Variants in KIRREL3 observed in about 807,000 individuals in gnomAD.
KIRREL3 encodes the protein kin of IRRE-like protein 3.
A neutral mutation model predicts 89.7 loss-of-function variants in KIRREL3; 36 were observed. The observed-to-expected ratio is 0.40, with a 90% CI of 0.31 to 0.53. The LOEUF (loss-of-function observed/expected upper bound fraction) is 0.53, where lower values mean the gene tolerates loss of function less well. Ranked by LOEUF, KIRREL3 falls within the 20% of genes least tolerant of loss-of-function variation. The probability of loss-of-function intolerance (pLI) is 0.49; values close to 1 mark genes in which losing one functional copy is unlikely to be tolerated. For missense variants in KIRREL3, 864 were observed against 1,056.6 expected, an observed-to-expected ratio of 0.82 and a Z score of 2.53; for synonymous variants, 445 against 441.4, an observed-to-expected ratio of 1.01 and a Z score of -0.10.
At chr11:126,863,123 C>T (rs1042772244) in intron 1 of KIRREL3, among the ~76,000 whole-genome samples, 1 of 152,250 alleles carries the variant, frequency 6.6e-6, no homozygotes, top group Non-Finnish European at 1.5e-5. Context: ...TGGTGACTTG[C>T]TGCCTGCTTC....
rs566711581 is a variant in KIRREL3 at position 126,877,906 on chromosome 11, T to C, written c.55+122549A>G. 1.5e-3 allele frequency among the ~76,000 whole-genome samples: 221 copies of C among 152,236 alleles called. 1 individual carries two copies. The highest frequency in any genetic ancestry group is 2.4e-3 in the Non-Finnish European group (162 of 68,014). On this transcript the variant is annotated intron_variant, in intron 1 of 16. Coordinates refer to ENST00000525144, the MANE Select transcript of KIRREL3 (RefSeq NM_032531.4). This position sits in a 1 kb window ranked among gnomAD's most constrained non-coding sequence, Gnocchi z 4.9. Reference sequence around the variant, plus strand: ...AGGTGCAAAAACAGTTGCAGCGTGTTAAGGCTGGAACTCCCCCCTAGAGAC... The same window carrying C: ...AGGTGCAAAAACAGTTGCAGCGTGTCAAGGCTGGAACTCCCCCCTAGAGAC...
At chr11:126,494,165 G>A (rs1179593354) in intron 4 of KIRREL3, among the ~76,000 whole-genome samples, 4 of 152,144 alleles carry the variant, frequency 2.6e-5, no homozygotes, top group Non-Finnish European at 2.9e-5. Flanking sequence ...CAAGAGAAAT[G>A]GTCAAAATGC....
chr11:126,702,106 T>C (rs1260134041), intron 1 of KIRREL3, among the ~76,000 whole-genome samples: 2 of 152,200 alleles, frequency 1.3e-5, no homozygotes, highest in Non-Finnish European at 2.9e-5. Flanking sequence ...CTCTGCTCCA[T>C]CATCTTGGGT....
At chr11:126,800,199 C>T (rs1255880866) in intron 1 of KIRREL3, among the ~76,000 whole-genome samples, 1 of 152,196 alleles carries the variant, frequency 6.6e-6, no homozygotes, top group Non-Finnish European at 1.5e-5. Context: ...TCTAGACCAG[C>T]TGAAGACTAA....
intron 1 of KIRREL3, among the ~76,000 whole-genome samples, chr11:126,804,821 A>T (rs896522121): frequency 1.3e-5 from 2 of 152,188 alleles, no homozygotes; most frequent in Non-Finnish European, 2.9e-5. Flanking sequence ...CAGTGGATAA[A>T]CTATGTTGGG....
At position 126,969,184 on chromosome 11, in the gene KIRREL3, G is replaced by A. The variant is rs1336384163; in HGVS notation, c.55+31271C>T. 6.6e-6 allele frequency among the ~76,000 whole-genome samples: 1 copy of A among 152,056 alleles called. No homozygotes were observed. The highest frequency in any genetic ancestry group is 1.5e-5 in the Non-Finnish European group (1 of 68,000). On this transcript the variant is annotated intron_variant, in intron 1 of 16. Coordinates refer to ENST00000525144, the MANE Select transcript of KIRREL3 (RefSeq NM_032531.4). The surrounding 1 kb of genome is among the most constrained non-coding windows in gnomAD (Gnocchi z 4.9). ...TCTAAACCGCGAAAACAGGCCTGGG[G>A]CAAAAGAGTCCGTAGATACCGCAGT...
intron 5 of KIRREL3, among the ~76,000 whole-genome samples, chr11:126,467,749 G>T (rs966247853): frequency 6.6e-6 from 1 of 152,110 alleles, no homozygotes. Context: ...TGGAGGATGC[G>T]CAGTGCTTTT....
At chr11:126,726,781 G>A (rs2134183236) in intron 1 of KIRREL3, among the ~76,000 whole-genome samples, 1 of 152,242 alleles carries the variant, frequency 6.6e-6, no homozygotes, top group East Asian at 1.9e-4. Context: ...GCCTACACAT[G>A]CCAATGTGTT....
chr11:127,000,372 C>T lies in KIRREL3; in HGVS notation c.55+83G>A. The T allele has an allele frequency of 8.3e-7, 1 of 1,205,826 alleles. No homozygotes were observed. The highest frequency in any genetic ancestry group is 1.2e-6 in the Non-Finnish European group (1 of 849,512). 74.7% of individuals were successfully genotyped at this position (1,205,826 alleles called of 1,614,324 possible). A position where few individuals can be genotyped will look rare whatever the true frequency, so the allele number is the denominator to read the frequency against. ...ATCCATCAGTCCGAGTTCCCGAAGCCTGCCCACGTTCCTGCCCACAGCCTC... is the reference window on the plus strand; with the variant it reads ...ATCCATCAGTCCGAGTTCCCGAAGCTTGCCCACGTTCCTGCCCACAGCCTC... On this transcript the variant is annotated intron_variant, in intron 1 of 16. Transcript: ENST00000525144. This position sits in a 1 kb window ranked among gnomAD's most constrained non-coding sequence, Gnocchi z 7.1.
chr11:126,777,751 T>C (rs936178679), intron 1 of KIRREL3, among the ~76,000 whole-genome samples: 1 of 152,178 alleles, frequency 6.6e-6, no homozygotes, highest in Admixed American at 6.5e-5. Flanking sequence ...GCTAAATCAG[T>C]GTGAACATCT....
At position 126,485,815 on chromosome 11, in the gene KIRREL3, C is replaced by T. The variant is rs899765217; in HGVS notation, c.434-12349G>A. On this transcript the variant is annotated intron_variant, in intron 4 of 16. Transcript: ENST00000525144. This position sits in a 1 kb window ranked among gnomAD's most constrained non-coding sequence, Gnocchi z 5.8. ...TCAAAGCACCTTTAAACCACTAGAG[C>T]GATGACAAGGAGGTCACAGACCCAA... 2.0e-5 allele frequency among the ~76,000 whole-genome samples: 3 copies of T among 152,130 alleles called. No individual in the cohort carries two copies. Among genetic ancestry groups the T allele is most frequent in the African/African-American group, 7.2e-5 (3 of 41,420 alleles).
chr11:126,600,904 G>A, intron 1 of KIRREL3, among the ~76,000 whole-genome samples: 1 of 152,118 alleles, frequency 6.6e-6, no homozygotes, highest in South Asian at 2.1e-4. Context: ...TCACCCATCA[G>A]TTTTGTCCAT....
intron 2 of KIRREL3, among the ~76,000 whole-genome samples, chr11:126,559,262 C>T (rs970495012): frequency 7.2e-5 from 11 of 152,154 alleles, no homozygotes; most frequent in African/African-American, 1.2e-4. Flanking sequence ...CTATCTGAGG[C>T]GCTCCTTTTC....
Position 126,521,695 on chromosome 11 carries a change from TG to T in KIRREL3, c.284-232del, listed in dbSNP as rs1958598917. ...CTCTGTATGTGTGTGTGTGTGTGTG[TG>T]TGTGTGTGTGTGTGTGTGTGTGTGT... On this transcript the variant is annotated intron_variant, in intron 3 of 16. Transcript: ENST00000525144. The surrounding 1 kb of genome is among the most constrained non-coding windows in gnomAD (Gnocchi z 4.1). 5.1e-5 allele frequency among the ~76,000 whole-genome samples: 1 copy of T among 19,462 alleles called. No homozygotes were observed. The highest frequency in any genetic ancestry group is 1.5e-4 in the African/African-American group (1 of 6,640). The allele number at this position is 19,462 out of a possible 152,430, so 12.8% of individuals were successfully genotyped here. A position where few individuals can be genotyped will look rare whatever the true frequency, so the allele number is the denominator to read the frequency against.
chr11:126,519,248 C>T lies in KIRREL3; in HGVS notation c.433+2067G>A, dbSNP rs971429483. 3.3e-5 allele frequency among the ~76,000 whole-genome samples: 5 copies of T among 152,262 alleles called. No individual in the cohort carries two copies. The highest frequency in any genetic ancestry group is 6.5e-5 in the Admixed American group (1 of 15,300). ...GTCTGTTCAGGTTGGATCCTGAGGC[C>T]CTGCTCTGAGAAGCCTGGCCCCTCA... On this transcript the variant is annotated intron_variant, in intron 4 of 16. Transcript: ENST00000525144. The surrounding 1 kb of genome is among the most constrained non-coding windows in gnomAD (Gnocchi z 4.3).
At chr11:126,857,451 G>A (rs755693144) in intron 1 of KIRREL3, among the ~76,000 whole-genome samples, 6 of 152,178 alleles carry the variant, frequency 3.9e-5, no homozygotes, top group Non-Finnish European at 5.9e-5. Flanking sequence ...ACATCCTAGA[G>A]CTTCCCAGCA....
Position 126,788,350 on chromosome 11 carries a change from A to G in KIRREL3, c.55+212105T>C, listed in dbSNP as rs1018632207. Among the ~76,000 whole-genome samples, 3 of 152,164 alleles carry G rather than the reference A, an allele frequency of 2.0e-5. No individual in the cohort carries two copies. The highest frequency in any genetic ancestry group is 7.2e-5 in the African/African-American group (3 of 41,438). On this transcript the variant is annotated intron_variant, in intron 1 of 16. Transcript: ENST00000525144. This position sits in a 1 kb window ranked among gnomAD's most constrained non-coding sequence, Gnocchi z 4.1. ...TCCCACTGTGCTACTCAGACAGGGT[A>G]TGCAAGTTGCATTTGACATTTCTGC...
chr11:126,440,876 C>G, intron 10 of KIRREL3: 3 of 388,458 alleles, frequency 7.7e-6, no homozygotes, highest in Non-Finnish European at 4.7e-6. Context: ...GAGAATAATT[C>G]TATCTGGCGG....
At chr11:126,630,004 C>T (rs1489776351) in intron 1 of KIRREL3, among the ~76,000 whole-genome samples, 1 of 152,164 alleles carries the variant, frequency 6.6e-6, no homozygotes, top group African/African-American at 2.4e-5. Context: ...GATAGATTCA[C>T]CTGTTCTTTT....
Sources: gnomAD v4.1 joint callset for allele counts (sites outside exome capture counted in the v4.1 genomes callset) on GRCh38, gnomAD v4.1.1 for gene constraint, Gnocchi (gnomAD v3.1) non-coding constraint, MANE v1.5 for transcripts, NCBI Gene and HGNC (gene_info 2026-07-23, HGNC 2026-07-21) for gene names.